Variants in ADAM10 observed in about 807,000 individuals in gnomAD.
ADAM10 encodes the protein ADAM metallopeptidase domain 10.
In ADAM10, 17 loss-of-function variants were observed where a neutral mutation model predicts 90.1. The observed-to-expected ratio is 0.19, with a 90% CI of 0.13 to 0.28. The LOEUF is 0.28. ADAM10 is among the 10% of genes least tolerant of loss of function. The pLI is 1.00. For synonymous variants in ADAM10, 310 were observed against 298.6 expected (o/e 1.04, Z -0.40); for missense variants, 610 against 914.3 (o/e 0.67, Z 4.29).
chr15:58,660,362 T>C (rs952244355), intron 5 of ADAM10, among the ~76,000 whole-genome samples: 1 of 152,142 alleles, frequency 6.6e-6, no homozygotes, highest in Non-Finnish European at 1.5e-5. Context: ...CCTAGCTCTT[T>C]AAATGTTAAA....
At chr15:58,614,603 T>G (rs1164841522) in intron 11 of ADAM10, among the ~76,000 whole-genome samples, 1 of 152,060 alleles carries the variant, frequency 6.6e-6, no homozygotes. Flanking sequence ...TTCTGAAGGA[T>G]AGTTTACAAA....
At chr15:58,736,271 C>T (rs1211664277) in intron 1 of ADAM10, among the ~76,000 whole-genome samples, 2 of 152,200 alleles carry the variant, frequency 1.3e-5, no homozygotes, top group Non-Finnish European at 2.9e-5. Flanking sequence ...CTTCTCCTTT[C>T]TCTTCTGTTA....
intron 1 of ADAM10, among the ~76,000 whole-genome samples, chr15:58,749,209 G>A (rs1899894347): frequency 6.6e-6 from 1 of 152,120 alleles, no homozygotes. Context: ...GCTTCTCTGG[G>A]AGGCGACCCC....
chr15:58,599,995 A>G lies in ADAM10; in HGVS notation c.2026-271T>C, dbSNP rs188844866. Among the ~76,000 whole-genome samples the G allele has an allele frequency of 9.2e-5, 14 of 152,304 alleles. No individual in the cohort carries two copies. The East Asian group carries it at 2.3e-3, about 25-fold the overall frequency. On this transcript the variant is annotated intron_variant, in intron 14 of 15. Transcript: ENST00000260408. Reference sequence around the variant, plus strand: ...ATTTTTTTTAGTCTCTTTACATATAACAACATTTGTCATACACATGAACAC... The same window carrying G: ...ATTTTTTTTAGTCTCTTTACATATAGCAACATTTGTCATACACATGAACAC...
intron 2 of ADAM10, among the ~76,000 whole-genome samples, chr15:58,689,447 C>T (rs1422771858): frequency 1.3e-5 from 2 of 152,142 alleles, no homozygotes; most frequent in Non-Finnish European, 2.9e-5. Context: ...GATCATGCCA[C>T]TGCACTCCAA....
chr15:58,629,989 G>A (rs1896057750), intron 9 of ADAM10, among the ~76,000 whole-genome samples: 1 of 152,040 alleles, frequency 6.6e-6, no homozygotes, highest in South Asian at 2.1e-4. Context: ...GCCCAGGCTG[G>A]TCTCGAACTC....
chr15:58,722,671 G>A (rs1054203533), intron 1 of ADAM10, among the ~76,000 whole-genome samples: 1 of 151,712 alleles, frequency 6.6e-6, no homozygotes, highest in Non-Finnish European at 1.5e-5. Context: ...CAGCCATGAA[G>A]GGAGTATTTA....
At chr15:58,710,271 T>C (rs529351298) in intron 2 of ADAM10, among the ~76,000 whole-genome samples, 2 of 152,088 alleles carry the variant, frequency 1.3e-5, no homozygotes, top group African/African-American at 4.8e-5. Flanking sequence ...ATGTGGAAAA[T>C]AAAATTGATA....
chr15:58,627,985 G>A, intron 9 of ADAM10, 102 bp from the exon 10 acceptor site: 3 of 1,167,610 alleles, frequency 2.6e-6, no homozygotes, highest in Non-Finnish European at 1.2e-6. Flanking sequence ...ATGGAAGCTT[G>A]TGGACTCTCC....
At chr15:58,659,356 A>G (rs1318507470) in intron 5 of ADAM10, among the ~76,000 whole-genome samples, 1 of 152,104 alleles carries the variant, frequency 6.6e-6, no homozygotes, top group Non-Finnish European at 1.5e-5. Flanking sequence ...TATCAGCTGT[A>G]GGTTTTTTAT....
rs531101591 is a variant in ADAM10 at position 58,677,038 on chromosome 15, C to A, written c.484+2086G>T. Among the ~76,000 whole-genome samples, 21 of 152,258 alleles carry A rather than the reference C, an allele frequency of 1.4e-4. No individual in the cohort carries two copies. The East Asian group carries it at 3.5e-3, about 25-fold the overall frequency. ...TATAGCAACTATTTAGAATAAAAGA[C>A]TAATACATGAATGTTTTCTTGTCTT... is the stretch of plus-strand genomic sequence containing the variant. On this transcript the variant is annotated intron_variant, in intron 4 of 15. Transcript: ENST00000260408.
chr15:58,617,331 G>A (rs905859723), intron 11 of ADAM10, among the ~76,000 whole-genome samples: 10 of 151,980 alleles, frequency 6.6e-5, no homozygotes, highest in Middle Eastern at 3.2e-3. Flanking sequence ...AAAACCGAAT[G>A]ATAATTAATA....
chr15:58,641,102 C>A, intron 7 of ADAM10, 142 bp from the exon 8 acceptor site: 1 of 768,302 alleles, frequency 1.3e-6, no homozygotes. Context: ...AAGGTTGTTC[C>A]CACTGCCCAC....
chr15:58,705,555 C>T (rs1898255295), intron 2 of ADAM10, among the ~76,000 whole-genome samples: 1 of 152,234 alleles, frequency 6.6e-6, no homozygotes, highest in East Asian at 1.9e-4. Flanking sequence ...GCTGGTTTTT[C>T]TTTCTCAAGC....
intron 10 of ADAM10, among the ~76,000 whole-genome samples, chr15:58,624,180 G>A (rs751351383): frequency 3.3e-5 from 5 of 151,958 alleles, no homozygotes; most frequent in Admixed American, 6.6e-5. Context: ...CAGCTACTTG[G>A]GAGGCTGAGG....
chr15:58,732,719 AAAAAAAG>A (rs1899294832), intron 1 of ADAM10: 1 of 152,844 alleles, frequency 6.5e-6, no homozygotes, highest in Non-Finnish European at 1.5e-5. Flanking sequence ...AAAAAAAAAA[AAAAAAAG>A]AGTGAGCTTA....
chr15:58,743,644 G>A (rs181962753), intron 1 of ADAM10, among the ~76,000 whole-genome samples: 13 of 145,674 alleles, frequency 8.9e-5, no homozygotes, highest in Admixed American at 3.4e-4. Context: ...CACTCTTGTC[G>A]CCCAGGCTAG....
In ADAM10 at chr15:58,611,107, G is replaced by A; in HGVS notation, c.1696C>T (p.Gln566Ter). The A allele has an allele frequency of 6.2e-7, 1 of 1,609,760 alleles. No individual in the cohort carries two copies. Among genetic ancestry groups the A allele is most frequent in the Non-Finnish European group, 8.5e-7 (1 of 1,176,154 alleles). The change falls in exon 13 of 16, where the codon CAA becomes TAA. Residue 566 changes from glutamine to a stop codon, truncating the protein, a stop_gained and splice_region_variant. Transcript: ENST00000260408. LOFTEE classifies it high-confidence loss of function. ...TTCTCACAGATAGAACCTGCACATTGCTAGAAGAAAAATAAAAGACAAATT... is the reference window on the plus strand; with the variant it reads ...TTCTCACAGATAGAACCTGCACATTACTAGAAGAAAAATAAAAGACAAATT... Reference protein sequence around the residue: ...NRHTQVCINGQCAGSICEKYG... With the variant: ...NRHTQVCING
At chr15:58,666,028 C>T (rs1897076553) in intron 4 of ADAM10, among the ~76,000 whole-genome samples, 1 of 151,748 alleles carries the variant, frequency 6.6e-6, no homozygotes, top group Admixed American at 6.6e-5. Flanking sequence ...GAAAGCACTT[C>T]ATAATCTCAA....
Sources: gnomAD v4.1 joint callset for allele counts (sites outside exome capture counted in the v4.1 genomes callset) on GRCh38, gnomAD v4.1.1 for gene constraint, MANE v1.5 for transcripts, NCBI Gene and HGNC (gene_info 2026-07-23, HGNC 2026-07-21) for gene names.